Variants in SNTG2 observed in about 807,000 individuals in gnomAD.
SNTG2 encodes gamma-2-syntrophin.
A neutral mutation model predicts 70.9 loss-of-function variants in SNTG2; 74 were observed. The observed-to-expected ratio is 1.04, with a 90% CI of 0.86 to 1.27. The LOEUF is 1.27. Among genes scored for constraint, SNTG2 ranks in the 50% most tolerant of loss-of-function variants. The pLI, the probability that SNTG2 is intolerant of heterozygous loss-of-function variation, is 0.00. For missense variants in SNTG2, 717 were observed against 690.7 expected, an observed-to-expected ratio of 1.04 and a Z score of -0.43; for synonymous variants, 278 against 273.8, an observed-to-expected ratio of 1.02 and a Z score of -0.15.
chr2:1,046,989 A>C (rs1435404194), intron 1 of SNTG2, among the ~76,000 whole-genome samples: 1 of 152,050 alleles, frequency 6.6e-6, no homozygotes, highest in Non-Finnish European at 1.5e-5. Flanking sequence ...CTCTTTCAGG[A>C]ATGTCAGTCA....
intron 8 of SNTG2, among the ~76,000 whole-genome samples, chr2:1,204,596 G>T (rs1012851928): frequency 1.3e-5 from 2 of 152,172 alleles, no homozygotes; most frequent in Non-Finnish European, 2.9e-5. Flanking sequence ...TGCACACACT[G>T]CTCCATCCCC....
chr2:969,693 G>T (rs889522199), intron 1 of SNTG2, among the ~76,000 whole-genome samples: 1 of 152,192 alleles, frequency 6.6e-6, no homozygotes, highest in South Asian at 2.1e-4. Flanking sequence ...AAATGCTACT[G>T]AGTTTTGTAT....
chr2:1,360,573 C>T (rs543632633), intron 16 of SNTG2, among the ~76,000 whole-genome samples: 131 of 152,228 alleles, frequency 8.6e-4, no homozygotes, highest in African/African-American at 2.9e-3. Context: ...CTTGCCTTTT[C>T]TATTTCCCTT....
At chr2:1,196,693 A>G (rs1672930351) in intron 8 of SNTG2, among the ~76,000 whole-genome samples, 2 of 152,200 alleles carry the variant, frequency 1.3e-5, no homozygotes, top group Admixed American at 1.3e-4. Context: ...ATCAGCAAAA[A>G]TCATACAGGC....
chr2:1,261,580 T>C (rs1438768834), intron 13 of SNTG2, among the ~76,000 whole-genome samples: 1 of 152,206 alleles, frequency 6.6e-6, no homozygotes, highest in African/African-American at 2.4e-5. Flanking sequence ...TCGTGCAGCA[T>C]GGCAGAAAAG....
At chr2:1,366,040 TG>T (rs1661462061) in intron 16 of SNTG2, among the ~76,000 whole-genome samples, 1 of 74,390 alleles carries the variant, frequency 1.3e-5, no homozygotes, top group African/African-American at 4.6e-5. Flanking sequence ...TCTGTGGAAC[TG>T]ACAGGCCTTA....
intron 1 of SNTG2, among the ~76,000 whole-genome samples, chr2:1,028,554 T>C (rs946893715): frequency 6.6e-6 from 1 of 152,174 alleles, no homozygotes; most frequent in Admixed American, 6.5e-5. Context: ...TCACTTACAA[T>C]GTCCAAACCT....
At chr2:1,265,132 G>GT (rs58117066) in intron 13 of SNTG2, among the ~76,000 whole-genome samples, 46,454 of 152,046 alleles carry the variant, frequency 0.31, 8,002 homozygotes, top group African/African-American at 0.47. Context: ...TTCTTTATCA[G>GT]TTTTGACATT....
intron 1 of SNTG2, among the ~76,000 whole-genome samples, chr2:975,203 G>A (rs1490792763): frequency 1.3e-5 from 2 of 151,300 alleles, no homozygotes; most frequent in African/African-American, 2.4e-5. Context: ...ACACCCCTGA[G>A]CAAACACCAC....
At chr2:1,176,183 T>C (rs974848663) in intron 8 of SNTG2, among the ~76,000 whole-genome samples, 1 of 152,184 alleles carries the variant, frequency 6.6e-6, no homozygotes, top group African/African-American at 2.4e-5. Context: ...AGCTCCAGAA[T>C]AAAGCATCAT....
intron 1 of SNTG2, among the ~76,000 whole-genome samples, chr2:1,064,323 A>G (rs1314336508): frequency 6.6e-6 from 1 of 152,100 alleles, no homozygotes; most frequent in Non-Finnish European, 1.5e-5. Context: ...GAAAGCAGAT[A>G]GAAATGTGAA....
At chr2:1,164,898 G>A (rs1670604199) in intron 6 of SNTG2, among the ~76,000 whole-genome samples, 1 of 152,360 alleles carries the variant, frequency 6.6e-6, no homozygotes, top group South Asian at 2.1e-4. Flanking sequence ...TGCAGGTGCA[G>A]TGAATTCTGA....
intron 1 of SNTG2, among the ~76,000 whole-genome samples, chr2:1,082,041 C>G (rs1242742337): frequency 2.0e-5 from 3 of 152,126 alleles, no homozygotes; most frequent in African/African-American, 7.2e-5. Flanking sequence ...TTGGAACCCT[C>G]CTGAAACTCT....
intron 14 of SNTG2, among the ~76,000 whole-genome samples, chr2:1,283,959 C>A (rs1463353318): frequency 6.6e-6 from 1 of 152,146 alleles, no homozygotes; most frequent in Non-Finnish European, 1.5e-5. Context: ...TTATGTTTGA[C>A]AGCTTTAAAC....
In SNTG2 at chr2:1,046,175, A is replaced by C. The variant is rs1238177351; in HGVS notation, c.73-37343A>C. 2.6e-5 allele frequency among the ~76,000 whole-genome samples: 4 copies of C among 152,164 alleles called. No individual in the cohort carries two copies. The East Asian group carries it at 7.7e-4, about 29-fold the overall frequency. On this transcript the variant is annotated intron_variant, in intron 1 of 16. Coordinates refer to ENST00000308624, the MANE Select transcript of SNTG2 (RefSeq NM_018968.4). ...GTTTTTTAAAGTCTGCTTTGTCTGA[A>C]ATAAGAATAGAAAACCCTGCTGTTT... is the stretch of plus-strand genomic sequence containing the variant.
At chr2:1,040,446 G>A (rs1324535787) in intron 1 of SNTG2, among the ~76,000 whole-genome samples, 1 of 152,082 alleles carries the variant, frequency 6.6e-6, no homozygotes, top group Non-Finnish European at 1.5e-5. Context: ...TCTGCTTTCA[G>A]TACCTTGCCC....
At position 1,214,923 on chromosome 2, in the gene SNTG2, G is replaced by A. The variant is rs117417667; in HGVS notation, c.719+5693G>A. ...AGTACATTCCCTTCATACCTAATTT[G>A]TTGAGAGCTTTGATGATGAAAGGAT... is the stretch of plus-strand genomic sequence containing the variant. On this transcript the variant is annotated intron_variant, in intron 9 of 16. Transcript: ENST00000308624. 1.2e-4 allele frequency among the ~76,000 whole-genome samples: 19 copies of A among 152,240 alleles called. 1 individual carries two copies. The East Asian group carries it at 3.7e-3, about 29-fold the overall frequency.
chr2:1,316,148 T>G, intron 15 of SNTG2, 117 bp from the exon 16 acceptor site: 1 of 587,676 alleles, frequency 1.7e-6, no homozygotes, highest in Non-Finnish European at 3.0e-6. Flanking sequence ...TAAACGTCGA[T>G]TTAAACATTA....
At position 1,109,181 on chromosome 2, in the gene SNTG2, A is replaced by G. The variant is rs973600825; in HGVS notation, c.325+10771A>G. Among the ~76,000 whole-genome samples, 26 of 151,908 alleles carry G rather than the reference A, an allele frequency of 1.7e-4. 1 individual carries two copies. The highest frequency in any genetic ancestry group is 1.5e-5 in the Non-Finnish European group (1 of 67,982). On this transcript the variant is annotated intron_variant, in intron 4 of 16. Coordinates refer to ENST00000308624, the MANE Select transcript of SNTG2 (RefSeq NM_018968.4). ...TTTCGGAAAGCAAAAGCGGCTTGCGAAGTCCCCTAAGCCCCTTTTATTCCC... is the reference window on the plus strand; with the variant it reads ...TTTCGGAAAGCAAAAGCGGCTTGCGGAGTCCCCTAAGCCCCTTTTATTCCC...
Sources: allele counts gnomAD v4.1 joint callset (sites outside exome capture counted in the v4.1 genomes callset), GRCh38; gene constraint gnomAD v4.1.1; transcripts MANE v1.5; gene names NCBI Gene and HGNC (gene_info 2026-07-23, HGNC 2026-07-21).